The following RHOQ variants were observed in gnomAD, a reference collection of about 807,000 sequenced individuals.
RHOQ encodes the protein ras homolog family member Q.
A neutral mutation model predicts 25.8 loss-of-function variants in RHOQ; 7 were observed. The observed-to-expected ratio is 0.27, with a 90% CI of 0.15 to 0.51. The LOEUF (loss-of-function observed/expected upper bound fraction) is 0.51. Among genes scored for constraint, RHOQ ranks in the 20% least tolerant of loss-of-function variants. The pLI is 0.97. For synonymous variants in RHOQ, 97 were observed against 98.6 expected (o/e 0.98, Z 0.10); for missense variants, 165 against 260.6 (o/e 0.63, Z 2.53).
At chr2:46,557,882 T>C (rs1668452665) in intron 2 of RHOQ, among the ~76,000 whole-genome samples, 1 of 152,234 alleles carries the variant, frequency 6.6e-6, no homozygotes, top group African/African-American at 2.4e-5. Flanking sequence ...CCTATCCACC[T>C]TTCTGTAGGA....
chr2:46,559,396 C>T (rs72875697), intron 2 of RHOQ, among the ~76,000 whole-genome samples: 86 of 152,258 alleles, frequency 5.6e-4, no homozygotes, highest in African/African-American at 2.0e-3. Flanking sequence ...ATTTTGATCT[C>T]TTTCAGGTAG....
At chr2:46,565,997 A>G (rs561033717) in intron 2 of RHOQ, among the ~76,000 whole-genome samples, 1 of 152,342 alleles carries the variant, frequency 6.6e-6, no homozygotes, top group East Asian at 1.9e-4. Context: ...TCAAGCCTGG[A>G]AGATGAGTAG....
rs1668839313 is a variant in RHOQ at position 46,569,350 on chromosome 2, A to G, written c.202-6737A>G. ...TATCCCGTAGTGTGAACCTCCTCCC[A>G]CATTAAATCTGCTAGTAGGGCTGCT... is the stretch of plus-strand genomic sequence containing the variant. On this transcript the variant is annotated intron_variant, in intron 2 of 4. Transcript: ENST00000238738. This position sits in a 1 kb window ranked among gnomAD's most constrained non-coding sequence, Gnocchi z 4.1. 6.6e-6 allele frequency: 1 copy of G among 152,182 alleles called. No individual in the cohort carries two copies. Among genetic ancestry groups the G allele is most frequent in the Admixed American group, 6.5e-5 (1 of 15,278 alleles). The allele number at this position is 152,182 out of a possible 1,614,324, so 9.4% of individuals were successfully genotyped here. A position where few individuals can be genotyped will look rare whatever the true frequency, so the allele number is the denominator to read the frequency against.
intron 2 of RHOQ, among the ~76,000 whole-genome samples, chr2:46,549,571 C>A (rs945470382): frequency 6.6e-6 from 1 of 152,218 alleles, no homozygotes; most frequent in Admixed American, 6.5e-5. Flanking sequence ...AGATGGAAGA[C>A]CATGTGTGGC....
chr2:46,582,314 T>G lies in RHOQ; in HGVS notation c.*1231T>G, dbSNP rs976639424. 2.6e-5 allele frequency: 4 copies of G among 152,080 alleles called. No homozygotes were observed. The highest frequency in any genetic ancestry group is 4.4e-5 in the Non-Finnish European group (3 of 68,006). 9.4% of individuals were successfully genotyped at this position (152,080 alleles called of 1,614,324 possible). ...AAAGAAAAAAAAGTTGGAGGAAAAT[T>G]TTCATGTTCTTCTGTGAAGCTTATT... On this transcript the variant is annotated 3_prime_UTR_variant, in exon 5 of 5. Transcript: ENST00000238738.
In RHOQ at chr2:46,542,984, C is replaced by T. The variant is rs1667876490; in HGVS notation, c.-63C>T. The stretch of plus-strand genomic sequence containing the variant: ...GGCGGACCCCCCAGGCGGGCTGGGG[C>T]TGAGCCCGGGGCCGGGGCGGGGGCT... On this transcript the variant is annotated 5_prime_UTR_variant, in exon 1 of 5. Transcript: ENST00000238738. The T allele has an allele frequency of 2.3e-6, 3 of 1,314,844 alleles. No individual in the cohort carries two copies. Among genetic ancestry groups the T allele is most frequent in the Non-Finnish European group, 3.0e-6 (3 of 1,013,460 alleles). 81.4% of individuals were successfully genotyped at this position (1,314,844 alleles called of 1,614,324 possible). A position where few individuals can be genotyped will look rare whatever the true frequency, so the allele number is the denominator to read the frequency against.
intron 2 of RHOQ, among the ~76,000 whole-genome samples, chr2:46,562,244 A>C (rs1668599811): frequency 6.6e-6 from 1 of 151,776 alleles, no homozygotes; most frequent in African/African-American, 2.4e-5. Flanking sequence ...GTTTTCCACC[A>C]CTTCACCGAG....
chr2:46,571,671 A>G (rs1668919717), intron 2 of RHOQ, among the ~76,000 whole-genome samples: 1 of 152,176 alleles, frequency 6.6e-6, no homozygotes, highest in African/African-American at 2.4e-5. Flanking sequence ...ATATGTTTAT[A>G]TCTTGAATTC....
chr2:46,572,114 T>TTTG (rs1668941876), intron 2 of RHOQ, among the ~76,000 whole-genome samples: 3 of 132,710 alleles, frequency 2.3e-5, no homozygotes, highest in South Asian at 2.7e-4. Flanking sequence ...TGTGTTTTTT[T>TTTG]TTTTTTTTTT....
chr2:46,544,277 TACA>T (rs1220357962), intron 2 of RHOQ, among the ~76,000 whole-genome samples: 15 of 152,200 alleles, frequency 9.9e-5, no homozygotes, highest in Admixed American at 9.8e-4. Context: ...TTATGTTTAT[TACA>T]ACATCATTGC....
In RHOQ at chr2:46,542,930, G is replaced by C; in HGVS notation, c.-117G>C. On this transcript the variant is annotated 5_prime_UTR_variant, in exon 1 of 5. Transcript: ENST00000238738. ...GCCGCTGCATGGGGCCGGGGGGGCG[G>C]CCCTGCGGCGCGGAGCGGCGGCGAC... The C allele has an allele frequency of 6.4e-6, 3 of 469,820 alleles. No homozygotes were observed. Among genetic ancestry groups the C allele is most frequent in the Non-Finnish European group, 8.5e-6 (3 of 353,654 alleles). The allele number at this position is 469,820 out of a possible 1,614,324, so 29.1% of individuals were successfully genotyped here.
At chr2:46,563,991 C>G (rs1045725521) in intron 2 of RHOQ, among the ~76,000 whole-genome samples, 5 of 151,802 alleles carry the variant, frequency 3.3e-5, no homozygotes, top group African/African-American at 9.7e-5. Context: ...ATTTACACGA[C>G]ATAAATTTAA....
intron 2 of RHOQ, among the ~76,000 whole-genome samples, chr2:46,573,433 A>C (rs1572754392): frequency 6.6e-6 from 1 of 152,364 alleles, no homozygotes; most frequent in Middle Eastern, 3.4e-3. Flanking sequence ...CTTAAGAAGT[A>C]ACATTTCTTT....
intron 2 of RHOQ, among the ~76,000 whole-genome samples, chr2:46,547,128 A>G (rs1461555993): frequency 6.6e-6 from 1 of 152,234 alleles, no homozygotes; most frequent in African/African-American, 2.4e-5. Flanking sequence ...TTCTACTTTC[A>G]GAGAGTTAAG....
chr2:46,544,249 G>T (rs1667972504), intron 2 of RHOQ, among the ~76,000 whole-genome samples: 3 of 152,210 alleles, frequency 2.0e-5, no homozygotes, highest in Non-Finnish European at 4.4e-5. Context: ...AATATGATGG[G>T]AAGGCATTTG....
At position 46,582,846 on chromosome 2, in the gene RHOQ, GGA is replaced by G. The variant is rs950212386; in HGVS notation, c.*1769_*1770del. ...AAGCATCACCTTCCCATTGAAGAGT[GGA>G]GAGAGTCTACTGGATGACTGGCCAG... On this transcript the variant is annotated 3_prime_UTR_variant, in exon 5 of 5. Coordinates refer to ENST00000238738, the MANE Select transcript of RHOQ (RefSeq NM_012249.4). 4.6e-5 allele frequency: 7 copies of G among 152,660 alleles called. No homozygotes were observed. Among genetic ancestry groups the G allele is most frequent in the Non-Finnish European group, 7.4e-5 (5 of 68,008 alleles). 9.5% of individuals were successfully genotyped at this position (152,660 alleles called of 1,614,324 possible).
In RHOQ at chr2:46,584,351, C is replaced by T. The variant is rs1403429952; in HGVS notation, c.*3268C>T. ...TACTAATCATTGGCAAAGTATGAGT[C>T]CCTATACTCTGTTAAAAAAAGCTCA... On this transcript the variant is annotated 3_prime_UTR_variant, in exon 5 of 5. Coordinates refer to ENST00000238738, the MANE Select transcript of RHOQ (RefSeq NM_012249.4). Among the ~76,000 whole-genome samples the T allele has an allele frequency of 1.3e-5, 2 of 152,062 alleles. No individual in the cohort carries two copies. The highest frequency in any genetic ancestry group is 2.9e-5 in the Non-Finnish European group (2 of 67,994).
chr2:46,577,776 G>A (rs563278482), intron 4 of RHOQ, among the ~76,000 whole-genome samples: 1 of 151,672 alleles, frequency 6.6e-6, no homozygotes, highest in East Asian at 1.9e-4. Context: ...ACTTTCTGGA[G>A]GACAGTTTTT....
intron 2 of RHOQ, among the ~76,000 whole-genome samples, chr2:46,560,256 T>A (rs1007036598): frequency 2.6e-5 from 4 of 152,192 alleles, no homozygotes; most frequent in Non-Finnish European, 5.9e-5. Context: ...TTTTTTGCCT[T>A]TTAGCTTCTA....
Sources: gnomAD v4.1 joint callset for allele counts (sites outside exome capture counted in the v4.1 genomes callset) on GRCh38, gnomAD v4.1.1 for gene constraint, Gnocchi (gnomAD v3.1) non-coding constraint, MANE v1.5 for transcripts, NCBI Gene and HGNC (gene_info 2026-07-23, HGNC 2026-07-21) for gene names.